SLC7A14: variants seen among roughly 807,000 people sequenced by gnomAD.
SLC7A14 encodes solute carrier family 7 member 14.
A neutral mutation model predicts 60.2 loss-of-function variants in SLC7A14; 37 were observed. That is an observed-to-expected ratio of 0.61 (90% confidence interval 0.47 to 0.81). The LOEUF is 0.81. SLC7A14 is among the 30% of genes least tolerant of loss of function. SLC7A14 has a pLI of 0.00. For missense variants in SLC7A14, 886 were observed against 982.7 expected (o/e 0.90, Z 1.32); for synonymous variants, 399 against 395.8 (o/e 1.01, Z -0.10).
intron 7 of SLC7A14, among the ~76,000 whole-genome samples, chr3:170,474,455 C>A (rs9841887): frequency 0.29 from 43,996 of 152,010 alleles, 7,668 homozygotes; most frequent in African/African-American, 0.49. Context: ...CCTTCACCCT[C>A]CCTCCTTGGA....
chr3:170,558,323 G>C (rs1714544446), intron 1 of SLC7A14, among the ~76,000 whole-genome samples: 1 of 152,148 alleles, frequency 6.6e-6, no homozygotes, highest in Non-Finnish European at 1.5e-5. Flanking sequence ...AGCTGAGATT[G>C]CAGTGAGCTG....
chr3:170,490,446 T>C (rs1189407971), intron 4 of SLC7A14, among the ~76,000 whole-genome samples: 1 of 152,208 alleles, frequency 6.6e-6, no homozygotes, highest in African/African-American at 2.4e-5. Context: ...ATTTAGTGAC[T>C]TGGCACAACA....
intron 2 of SLC7A14, among the ~76,000 whole-genome samples, chr3:170,503,911 G>A (rs572464179): frequency 1.3e-5 from 2 of 152,300 alleles, no homozygotes; most frequent in East Asian, 3.9e-4. Context: ...CATGGTATAA[G>A]GAGCATTTGG....
At chr3:170,546,798 C>T (rs1714192926) in intron 1 of SLC7A14, among the ~76,000 whole-genome samples, 1 of 152,070 alleles carries the variant, frequency 6.6e-6, no homozygotes, top group Non-Finnish European at 1.5e-5. Context: ...TTTTTTCTCC[C>T]TACAGGGTGC....
chr3:170,547,489 T>A (rs1168286237), intron 1 of SLC7A14, among the ~76,000 whole-genome samples: 1 of 152,186 alleles, frequency 6.6e-6, no homozygotes, highest in Non-Finnish European at 1.5e-5. Flanking sequence ...TATACTGTAT[T>A]CTTACAATAA....
intron 1 of SLC7A14, among the ~76,000 whole-genome samples, chr3:170,555,530 A>T (rs749996682): frequency 1.5e-4 from 23 of 152,302 alleles, no homozygotes; most frequent in Non-Finnish European, 2.6e-4. Flanking sequence ...GGACTTCCCT[A>T]GGCAATTTCA....
At chr3:170,513,069 C>A (rs1368059666) in intron 2 of SLC7A14, among the ~76,000 whole-genome samples, 1 of 152,102 alleles carries the variant, frequency 6.6e-6, no homozygotes, top group Non-Finnish European at 1.5e-5. Flanking sequence ...TGGATTGTTT[C>A]TAGCTAAGTA....
intron 2 of SLC7A14, among the ~76,000 whole-genome samples, chr3:170,526,082 A>C (rs1310027937): frequency 1.3e-5 from 2 of 151,214 alleles, no homozygotes; most frequent in Non-Finnish European, 3.0e-5. Context: ...GTTTAAAAAA[A>C]AAAAACCCAG....
At chr3:170,546,721 C>A (rs548340690) in intron 1 of SLC7A14, among the ~76,000 whole-genome samples, 38 of 152,160 alleles carry the variant, frequency 2.5e-4, no homozygotes, top group Admixed American at 4.6e-4. Flanking sequence ...TGAGGGGAGG[C>A]CCTTCATACT....
intron 1 of SLC7A14, among the ~76,000 whole-genome samples, chr3:170,584,784 C>G (rs1469987921): frequency 1.3e-5 from 2 of 152,108 alleles, no homozygotes; most frequent in Non-Finnish European, 2.9e-5. Flanking sequence ...TCTCCTAGAC[C>G]CTATACCTAG....
intron 2 of SLC7A14, among the ~76,000 whole-genome samples, chr3:170,512,027 GAAGTGACAACC>G (rs1394569279): frequency 6.6e-6 from 1 of 152,178 alleles, no homozygotes; most frequent in African/African-American, 2.4e-5. Flanking sequence ...ACTTGGAGCT[GAAGTGACAACC>G]AACAATTCTC....
At chr3:170,578,165 T>C (rs187915123) in intron 1 of SLC7A14, among the ~76,000 whole-genome samples, 272 of 152,396 alleles carry the variant, frequency 1.8e-3, no homozygotes, top group African/African-American at 6.3e-3. Context: ...CATCTATTTC[T>C]GGTGGTGTGG....
intron 1 of SLC7A14, among the ~76,000 whole-genome samples, chr3:170,572,020 C>T (rs1714968538): frequency 7.0e-6 from 1 of 141,964 alleles, no homozygotes; most frequent in Non-Finnish European, 1.5e-5. Context: ...AAGACTGTGC[C>T]ACTGCACTTC....
At chr3:170,498,912 T>A (rs1285390176) in intron 3 of SLC7A14, 28 bp from the exon 4 acceptor site, 1 of 1,610,148 alleles carries the variant, frequency 6.2e-7, no homozygotes. Context: ...GATTTGACAT[T>A]GTCTGGAGGG....
Position 170,532,141 on chromosome 3 carries a change from C to T in SLC7A14, c.-152-5053G>A, listed in dbSNP as rs1713697066. On this transcript the variant is annotated intron_variant, in intron 1 of 7. Transcript: ENST00000231706. The surrounding 1 kb of genome is among the most constrained non-coding windows in gnomAD (Gnocchi z 4.0). Reference sequence around the variant, plus strand: ...AGTAGTTGTCCAGCTTTTTCTGGAACATCTGGGCCGCAGGGAACATTGGCT... The same window carrying T: ...AGTAGTTGTCCAGCTTTTTCTGGAATATCTGGGCCGCAGGGAACATTGGCT... Among the ~76,000 whole-genome samples, 1 of 152,340 alleles carries T rather than the reference C, an allele frequency of 6.6e-6. No individual in the cohort carries two copies. Among genetic ancestry groups the T allele is most frequent in the East Asian group, 1.9e-4 (1 of 5,188 alleles).
rs771119995 is a variant in SLC7A14 at position 170,501,238 on chromosome 3, T to C, written c.412A>G (p.Asn138Asp). ...CCAATCAGGTACTCCAGGATCAGGT[T>C]CCAGCCAATGAAAAATGCCACAAAT... ...GEFVAFFIGW[N>D]LILEYLIGTA... Residue 138 changes from asparagine to aspartate, a missense_variant, in exon 3 of 8, where the codon AAC (asparagine) becomes GAC (aspartate). Transcript: ENST00000231706. 6.2e-7 allele frequency: 1 copy of C among 1,613,724 alleles called. No individual in the cohort carries two copies.
At chr3:170,533,079 A>T (rs1180825191) in intron 1 of SLC7A14, among the ~76,000 whole-genome samples, 1 of 152,112 alleles carries the variant, frequency 6.6e-6, no homozygotes, top group East Asian at 1.9e-4. Context: ...TGAAAACATG[A>T]TCCCCTTCTG....
intron 1 of SLC7A14, among the ~76,000 whole-genome samples, chr3:170,540,057 G>T (rs1577547710): frequency 6.6e-6 from 1 of 152,164 alleles, no homozygotes; most frequent in African/African-American, 2.4e-5. Context: ...CTAAGTGGCG[G>T]GGTGGGGGGT....
chr3:170,474,335 C>T (rs1184791932), intron 7 of SLC7A14, among the ~76,000 whole-genome samples: 2 of 152,198 alleles, frequency 1.3e-5, no homozygotes, highest in Non-Finnish European at 2.9e-5. Flanking sequence ...GCCAGTGTCT[C>T]AGCTGCCACT....
Sources: allele counts gnomAD v4.1 joint callset (sites outside exome capture counted in the v4.1 genomes callset), GRCh38; gene constraint gnomAD v4.1.1; non-coding constraint Gnocchi (gnomAD v3.1); transcripts MANE v1.5; gene names NCBI Gene and HGNC (gene_info 2026-07-23, HGNC 2026-07-21).